Variants in SEC11C observed in about 807,000 individuals in gnomAD.
SEC11C encodes the protein SEC11 homolog C, signal peptidase complex subunit.
In SEC11C, 10 loss-of-function variants were observed where a neutral mutation model predicts 21.9. The ratio of observed to expected loss-of-function variants is 0.46; its 90% CI spans 0.28 to 0.77. The LOEUF (loss-of-function observed/expected upper bound fraction) is 0.77. SEC11C is among the 30% of genes least tolerant of loss of function. The pLI is 0.12. For missense variants in SEC11C, 145 were observed against 244.5 expected (o/e 0.59, Z 2.71); for synonymous variants, 83 against 85.6 (o/e 0.97, Z 0.17).
In SEC11C at chr18:59,150,051, C is replaced by T. The variant is rs562442420; in HGVS notation, c.197+429C>T. On this transcript the variant is annotated intron_variant, in intron 2 of 5. Coordinates refer to ENST00000587834, the MANE Select transcript of SEC11C (RefSeq NM_033280.4). The stretch of plus-strand genomic sequence containing the variant: ...TTTTTCAAGCTTCTTCAGTAATACT[C>T]GTGTATTGATGGCTACTATCTTCTT... Among the ~76,000 whole-genome samples the T allele has an allele frequency of 1.3e-4, 20 of 151,498 alleles. No individual in the cohort carries two copies. The East Asian group carries it at 2.0e-3, about 15-fold the overall frequency.
At chr18:59,152,499 A>G in intron 2 of SEC11C, 37 bp from the exon 3 acceptor site, 1 of 1,545,826 alleles carries the variant, frequency 6.5e-7, no homozygotes, top group South Asian at 1.3e-5. Context: ...TTTTGGACAC[A>G]GGGTAATGCT....
intron 3 of SEC11C, among the ~76,000 whole-genome samples, chr18:59,154,881 C>T (rs956492432): frequency 4.6e-5 from 7 of 152,278 alleles, no homozygotes; most frequent in Admixed American, 6.5e-5. Flanking sequence ...GCCTGGCCAA[C>T]GTGGTGAAAC....
At chr18:59,153,202 C>T (rs2069379428) in intron 3 of SEC11C, 1 of 152,478 alleles carries the variant, frequency 6.6e-6, no homozygotes, top group Admixed American at 6.5e-5. Flanking sequence ...ACCGCCCCAT[C>T]CCCTACTCCC....
chr18:59,157,489 G>A, intron 4 of SEC11C, 119 bp from the exon 5 acceptor site: 1 of 756,702 alleles, frequency 1.3e-6, no homozygotes, highest in South Asian at 1.5e-5. Flanking sequence ...TACAGCCCTG[G>A]TCAGTGGCAT....
chr18:59,143,998 C>G (rs1267174391), intron 1 of SEC11C, among the ~76,000 whole-genome samples: 1 of 151,964 alleles, frequency 6.6e-6, no homozygotes, highest in East Asian at 1.9e-4. Context: ...ATTACAGGCA[C>G]ATGCACCACC....
intron 1 of SEC11C, among the ~76,000 whole-genome samples, chr18:59,146,673 G>T (rs2069279467): frequency 6.6e-6 from 1 of 152,162 alleles, no homozygotes; most frequent in South Asian, 2.1e-4. Context: ...AATATAGATG[G>T]TGAAGAAGGG....
At chr18:59,140,999 C>G (rs146638836) in intron 1 of SEC11C, among the ~76,000 whole-genome samples, 6 of 152,238 alleles carry the variant, frequency 3.9e-5, no homozygotes, top group Admixed American at 6.5e-5. Context: ...ATGGGACCTT[C>G]CAACCAGGGA....
At chr18:59,146,144 T>C (rs2069273017) in intron 1 of SEC11C, among the ~76,000 whole-genome samples, 1 of 151,852 alleles carries the variant, frequency 6.6e-6, no homozygotes, top group Non-Finnish European at 1.5e-5. Flanking sequence ...ATGGGCCCCG[T>C]TGGTGATATG....
intron 1 of SEC11C, among the ~76,000 whole-genome samples, chr18:59,148,776 G>A (rs1568065216): frequency 6.6e-6 from 1 of 152,084 alleles, no homozygotes; most frequent in Non-Finnish European, 1.5e-5. Context: ...GCCACGCCCG[G>A]CTAATTTTCT....
At chr18:59,148,392 C>G (rs1017089718) in intron 1 of SEC11C, among the ~76,000 whole-genome samples, 3 of 152,034 alleles carry the variant, frequency 2.0e-5, no homozygotes, top group Non-Finnish European at 2.9e-5. Flanking sequence ...GGCACATGGG[C>G]AGGTGTTGTT....
chr18:59,155,544 T>A, intron 3 of SEC11C, 144 bp from the exon 4 acceptor site: 3 of 735,018 alleles, frequency 4.1e-6, no homozygotes, highest in South Asian at 1.9e-5. Context: ...TAAGCAGTCA[T>A]CTTAGACTAA....
intron 1 of SEC11C, chr18:59,147,918 G>C (rs2069296378): frequency 6.6e-6 from 1 of 152,280 alleles, no homozygotes. Flanking sequence ...GAAGTGAGGG[G>C]TGAAGGACCT....
chr18:59,155,948 A>C, intron 4 of SEC11C, 141 bp downstream of exon 4: 1 of 947,630 alleles, frequency 1.1e-6, no homozygotes, highest in Non-Finnish European at 1.6e-6. Context: ...TATCCTGTGA[A>C]GACTAAATAC....
At chr18:59,143,531 C>T (rs1321147201) in intron 1 of SEC11C, among the ~76,000 whole-genome samples, 2 of 152,212 alleles carry the variant, frequency 1.3e-5, no homozygotes, top group Non-Finnish European at 2.9e-5. Flanking sequence ...TTAACATTAG[C>T]AAGAGACAGT....
At position 59,149,786 on chromosome 18, in the gene SEC11C, C is replaced by G. The variant is rs190839427; in HGVS notation, c.197+164C>G. On this transcript the variant is annotated intron_variant, in intron 2 of 5. Transcript: ENST00000587834. Reference sequence around the variant, plus strand: ...ATTGATATCTATTTTGAAAATGTTTCGTTTTTTTTCTGGCTTTTGAAAAAT... The same window carrying G: ...ATTGATATCTATTTTGAAAATGTTTGGTTTTTTTTCTGGCTTTTGAAAAAT... Among the ~76,000 whole-genome samples the G allele has an allele frequency of 3.4e-4, 51 of 152,210 alleles. 1 individual carries two copies. The Middle Eastern group carries it at 0.01, about 30-fold the overall frequency.
intron 2 of SEC11C, 101 bp downstream of exon 2, chr18:59,149,723 A>G (rs1462024805): frequency 3.4e-6 from 2 of 587,996 alleles, no homozygotes; most frequent in Non-Finnish European, 6.2e-6. Flanking sequence ...CGTGACAGCT[A>G]AAATTCAAGA....
At chr18:59,150,409 C>T (rs1205891940) in intron 2 of SEC11C, among the ~76,000 whole-genome samples, 1 of 152,258 alleles carries the variant, frequency 6.6e-6, no homozygotes, top group Admixed American at 6.5e-5. Context: ...GCCACCACCT[C>T]GTGGGGCCAT....
intron 1 of SEC11C, among the ~76,000 whole-genome samples, chr18:59,149,130 C>T (rs1280634992): frequency 6.7e-6 from 1 of 149,640 alleles, no homozygotes; most frequent in Non-Finnish European, 1.5e-5. Flanking sequence ...CTGGGTTAGA[C>T]CTGTGCTCCC....
chr18:59,144,726 TAAAAAAAAAAAAA>T (rs5825314), intron 1 of SEC11C, among the ~76,000 whole-genome samples: 3 of 98,602 alleles, frequency 3.0e-5, no homozygotes, highest in African/African-American at 1.2e-4. Flanking sequence ...CCTTGTATCT[TAAAAAAAAAAAAA>T]AAAAAAAAAA....
Sources: allele counts gnomAD v4.1 joint callset (sites outside exome capture counted in the v4.1 genomes callset), GRCh38; gene constraint gnomAD v4.1.1; transcripts MANE v1.5; gene names NCBI Gene and HGNC (gene_info 2026-07-23, HGNC 2026-07-21).